Variants in GRM8 observed in about 807,000 individuals in gnomAD.
GRM8 encodes metabotropic glutamate receptor 8.
Under a neutral mutation model 87.2 loss-of-function variants are expected in GRM8, and 47 were observed. The ratio of observed to expected loss-of-function variants is 0.54; its 90% CI spans 0.43 to 0.69. The LOEUF (loss-of-function observed/expected upper bound fraction) is 0.69. GRM8 is among the 30% of genes least tolerant of loss of function. The probability of loss-of-function intolerance (pLI) is 0.00; values close to 1 mark genes in which losing one functional copy is unlikely to be tolerated. For missense variants in GRM8, 1,019 were observed against 1,139.2 expected, an observed-to-expected ratio of 0.89 and a Z score of 1.52; for synonymous variants, 396 against 404.5, an observed-to-expected ratio of 0.98 and a Z score of 0.25.
At chr7:126,757,084 C>T (rs1172377244) in intron 7 of GRM8, among the ~76,000 whole-genome samples, 1 of 151,884 alleles carries the variant, frequency 6.6e-6, no homozygotes, top group Non-Finnish European at 1.5e-5. Context: ...TATTGAATGT[C>T]TAACAAAGTA....
chr7:126,708,873 C>G (rs10280247), intron 7 of GRM8, among the ~76,000 whole-genome samples: 1 of 151,708 alleles, frequency 6.6e-6, no homozygotes, highest in African/African-American at 2.4e-5. Flanking sequence ...AAATTTTAGA[C>G]AGGAAGATTA....
intron 6 of GRM8, among the ~76,000 whole-genome samples, chr7:126,837,502 T>C (rs1278999780): frequency 1.3e-5 from 2 of 152,202 alleles, no homozygotes; most frequent in African/African-American, 2.4e-5. Flanking sequence ...CATTCATGAG[T>C]GGACTTACTG....
At chr7:126,484,793 C>T (rs996422840) in intron 9 of GRM8, among the ~76,000 whole-genome samples, 3 of 151,732 alleles carry the variant, frequency 2.0e-5, no homozygotes, top group Non-Finnish European at 4.4e-5. Context: ...GTAAAACAAA[C>T]GTGCTATTAA....
chr7:127,108,078 C>T (rs1825985235), intron 2 of GRM8, among the ~76,000 whole-genome samples: 1 of 152,150 alleles, frequency 6.6e-6, no homozygotes, highest in Non-Finnish European at 1.5e-5. Context: ...TATTTGTTAA[C>T]ACTGTGGGAC....
intron 7 of GRM8, among the ~76,000 whole-genome samples, chr7:126,766,678 G>A (rs1385376263): frequency 6.6e-6 from 1 of 152,078 alleles, no homozygotes; most frequent in Admixed American, 6.6e-5. Context: ...GTCGTGTATA[G>A]TAAGCAGCTC....
At chr7:127,078,858 G>A (rs1055773041) in intron 3 of GRM8, among the ~76,000 whole-genome samples, 3 of 152,136 alleles carry the variant, frequency 2.0e-5, no homozygotes, top group Non-Finnish European at 2.9e-5. Context: ...AGCTTTGTAA[G>A]CACTTCATTA....
intron 8 of GRM8, among the ~76,000 whole-genome samples, chr7:126,584,625 T>C (rs1795924740): frequency 6.6e-6 from 1 of 152,214 alleles, no homozygotes; most frequent in Non-Finnish European, 1.5e-5. Context: ...TGGTCTGCTC[T>C]TCTATAAACC....
At chr7:127,063,541 A>C (rs1283825536) in intron 3 of GRM8, among the ~76,000 whole-genome samples, 1 of 152,082 alleles carries the variant, frequency 6.6e-6, no homozygotes, top group South Asian at 2.1e-4. Flanking sequence ...GCACCACTGC[A>C]CTCCAACCTG....
At chr7:126,961,363 C>T (rs1809302191) in intron 3 of GRM8, among the ~76,000 whole-genome samples, 1 of 152,200 alleles carries the variant, frequency 6.6e-6, no homozygotes, top group South Asian at 2.1e-4. Context: ...AGTTAATACC[C>T]TTTGCTTAAT....
rs1252660133 is a variant in GRM8 at position 126,843,674 on chromosome 7, T to C, written c.1156+58868A>G. 9.2e-5 allele frequency among the ~76,000 whole-genome samples: 14 copies of C among 152,220 alleles called. 1 individual carries two copies. Among genetic ancestry groups the C allele is most frequent in the Non-Finnish European group, 2.1e-4 (14 of 68,042 alleles). On this transcript the variant is annotated intron_variant, in intron 6 of 10. Transcript: ENST00000339582. ...CATTTGCTGGGTATTTGGCATTCTTTTTAAAGATTTAATCATTTAGATGAG... is the reference window on the plus strand; with the variant it reads ...CATTTGCTGGGTATTTGGCATTCTTCTTAAAGATTTAATCATTTAGATGAG...
chr7:126,784,265 A>G (rs1423933374), intron 6 of GRM8, among the ~76,000 whole-genome samples: 1 of 152,210 alleles, frequency 6.6e-6, no homozygotes, highest in African/African-American at 2.4e-5. Flanking sequence ...AAAAACAAAA[A>G]AAAATTGAAA....
At chr7:126,724,084 G>A (rs1457832554) in intron 7 of GRM8, among the ~76,000 whole-genome samples, 4 of 152,076 alleles carry the variant, frequency 2.6e-5, no homozygotes, top group African/African-American at 9.7e-5. Flanking sequence ...TTCTCTGCTT[G>A]GAGATATCGT....
intron 6 of GRM8, among the ~76,000 whole-genome samples, chr7:126,856,787 T>C (rs1797726115): frequency 6.6e-6 from 1 of 152,346 alleles, no homozygotes; most frequent in South Asian, 2.1e-4. Context: ...ACATTGCTGT[T>C]TAATTCTTGT....
intron 7 of GRM8, among the ~76,000 whole-genome samples, chr7:126,614,551 A>C (rs1475281700): frequency 1.3e-5 from 2 of 152,236 alleles, no homozygotes; most frequent in Admixed American, 6.5e-5. Context: ...AGCTGAGAGA[A>C]GGCTTCAGAT....
chr7:127,091,676 C>T (rs1824110107), intron 3 of GRM8, among the ~76,000 whole-genome samples: 1 of 136,644 alleles, frequency 7.3e-6, no homozygotes, highest in Non-Finnish European at 1.6e-5. Context: ...ACTGATCATC[C>T]TCCCATCCCA....
At chr7:126,497,472 G>A (rs1286648099) in intron 9 of GRM8, among the ~76,000 whole-genome samples, 1 of 151,848 alleles carries the variant, frequency 6.6e-6, no homozygotes, top group African/African-American at 2.4e-5. Flanking sequence ...TTTCTAAAGA[G>A]GGATTCACTG....
chr7:126,682,473 C>T lies in GRM8; in HGVS notation c.1358-72975G>A, dbSNP rs1807697528. On this transcript the variant is annotated intron_variant, in intron 7 of 10. Coordinates refer to ENST00000339582, the MANE Select transcript of GRM8 (RefSeq NM_000845.3). The stretch of plus-strand genomic sequence containing the variant: ...TGCTTAGAGAGGTTAAGTTCCTTGG[C>T]AAAGGTTACAGATCTTGTAGATGAT... Among the ~76,000 whole-genome samples the T allele has an allele frequency of 2.6e-5, 4 of 152,188 alleles. No individual in the cohort carries two copies. In the South Asian group the frequency reaches 8.3e-4, roughly 31 times the overall value.
chr7:126,639,416 A>G (rs1176562601), intron 7 of GRM8, among the ~76,000 whole-genome samples: 1 of 152,172 alleles, frequency 6.6e-6, no homozygotes, highest in African/African-American at 2.4e-5. Flanking sequence ...GTTATTTGAG[A>G]GTGCAAAGGG....
At chr7:126,610,900 G>T (rs572331392) in intron 7 of GRM8, among the ~76,000 whole-genome samples, 2 of 152,182 alleles carry the variant, frequency 1.3e-5, no homozygotes, top group Admixed American at 6.5e-5. Flanking sequence ...AGATGGCACC[G>T]CATGGAAGAA....
Sources: gnomAD v4.1 joint callset for allele counts (sites outside exome capture counted in the v4.1 genomes callset) on GRCh38, gnomAD v4.1.1 for gene constraint, MANE v1.5 for transcripts, NCBI Gene and HGNC (gene_info 2026-07-23, HGNC 2026-07-21) for gene names.